The following WWOX variants were observed in gnomAD, a reference collection of about 807,000 sequenced individuals.
WWOX encodes the protein WW domain-containing oxidoreductase.
A neutral mutation model predicts 46.2 loss-of-function variants in WWOX; 69 were observed. The ratio of observed to expected loss-of-function variants is 1.49; its 90% CI spans 1.23 to 1.82. The LOEUF is 1.82. Among genes scored for constraint, WWOX ranks in the 40% most tolerant of loss-of-function variants. The pLI is 0.00. For missense variants in WWOX, 919 were observed against 542.6 expected, an observed-to-expected ratio of 1.69 and a Z score of -6.89; for synonymous variants, 359 against 202.6, an observed-to-expected ratio of 1.77 and a Z score of -6.56.
chr16:78,544,357 A>G (rs2043970578), intron 8 of WWOX, among the ~76,000 whole-genome samples: 1 of 152,200 alleles, frequency 6.6e-6, no homozygotes, highest in Admixed American at 6.5e-5. Context: ...TCTTCTGAAC[A>G]TTTTGCATTC....
chr16:78,370,976 A>ATGTCTT lies in WWOX; in HGVS notation c.517-15883_517-15882insGTCTTT, dbSNP rs776317489. 4.8e-3 allele frequency among the ~76,000 whole-genome samples: 620 copies of ATGTCTT among 128,588 alleles called. 9 individuals are homozygous for ATGTCTT. The highest frequency in any genetic ancestry group is 0.016 in the African/African-American group (555 of 34,734). 84.4% of individuals were successfully genotyped at this position (128,588 alleles called of 152,430 possible). On this transcript the variant is annotated intron_variant, in intron 5 of 8. Coordinates refer to ENST00000566780, the MANE Select transcript of WWOX (RefSeq NM_016373.4). ...CAGGTTGCTCTGAGACTGTGTTGTG[A>ATGTCTT]TTTCTTTTTTTTTTTTTTTTACTTG...
At chr16:78,653,261 A>G (rs2047005605) in intron 8 of WWOX, among the ~76,000 whole-genome samples, 1 of 152,248 alleles carries the variant, frequency 6.6e-6, no homozygotes, top group Non-Finnish European at 1.5e-5. Context: ...TTATGTAACC[A>G]TTCCCTAGTG....
At chr16:78,472,983 T>A (rs970651577) in intron 8 of WWOX, among the ~76,000 whole-genome samples, 29 of 152,164 alleles carry the variant, frequency 1.9e-4, no homozygotes, top group African/African-American at 7.0e-4. Flanking sequence ...GCAGCCTGTT[T>A]TTGTGCCGCC....
At chr16:78,224,724 G>A (rs545355434) in intron 5 of WWOX, among the ~76,000 whole-genome samples, 1 of 152,148 alleles carries the variant, frequency 6.6e-6, no homozygotes, top group Non-Finnish European at 1.5e-5. Context: ...TTGCCAAATT[G>A]CTTTCTTGAA....
intron 8 of WWOX, among the ~76,000 whole-genome samples, chr16:79,194,981 C>G (rs1465244216): frequency 1.3e-5 from 2 of 152,154 alleles, no homozygotes; most frequent in Non-Finnish European, 2.9e-5. Context: ...AGTTCTACTA[C>G]TACCGCCACT....
At chr16:78,896,403 C>G (rs2044701283) in intron 8 of WWOX, 1 of 152,088 alleles carries the variant, frequency 6.6e-6, no homozygotes, top group Non-Finnish European at 1.5e-5. Flanking sequence ...AACCTGGGGC[C>G]CTGAATCGTG....
intron 8 of WWOX, among the ~76,000 whole-genome samples, chr16:78,878,609 ATATGTATGAAGAACC>A (rs566506400): frequency 2.7e-3 from 418 of 152,296 alleles, no homozygotes; most frequent in African/African-American, 9.6e-3. Context: ...TCATGAGATA[ATATGTATGAAGAACC>A]TAGCACACTG....
intron 8 of WWOX, among the ~76,000 whole-genome samples, chr16:78,555,891 C>T (rs1021401520): frequency 1.3e-5 from 2 of 152,032 alleles, no homozygotes; most frequent in Non-Finnish European, 2.9e-5. Flanking sequence ...GTGATGTCTC[C>T]GATTCTTAAA....
intron 8 of WWOX, among the ~76,000 whole-genome samples, chr16:79,191,868 C>T (rs1044175955): frequency 1.3e-5 from 2 of 152,048 alleles, no homozygotes; most frequent in African/African-American, 2.4e-5. Context: ...ATTACTTATG[C>T]GCATAAGTAG....
At chr16:78,634,868 G>A (rs957097286) in intron 8 of WWOX, among the ~76,000 whole-genome samples, 1 of 151,722 alleles carries the variant, frequency 6.6e-6, no homozygotes, top group East Asian at 1.9e-4. Context: ...GTGTGTGTGT[G>A]TGTGTGCGCG....
At chr16:78,547,093 A>G (rs1048988326) in intron 8 of WWOX, among the ~76,000 whole-genome samples, 5 of 139,536 alleles carry the variant, frequency 3.6e-5, no homozygotes, top group Non-Finnish European at 7.6e-5. Context: ...ATGCCACTGC[A>G]CTCCAGCCTG....
At chr16:78,164,363 T>A in intron 5 of WWOX, 74 bp downstream of exon 5, 1 of 1,328,070 alleles carries the variant, frequency 7.5e-7, no homozygotes, top group Non-Finnish European at 1.1e-6. Context: ...GAGATTTCAG[T>A]GGAGTGTGTA....
intron 6 of WWOX, among the ~76,000 whole-genome samples, chr16:78,420,811 A>C (rs2082909907): frequency 6.6e-6 from 1 of 152,136 alleles, no homozygotes; most frequent in African/African-American, 2.4e-5. Flanking sequence ...AAATTAGCTA[A>C]TGCTTATTGT....
rs560556211 is a variant in WWOX, at chr16:78,203,199, C to T, written c.516+38910C>T. 2.6e-5 allele frequency among the ~76,000 whole-genome samples: 4 copies of T among 152,218 alleles called. No homozygotes were observed. The East Asian group carries it at 7.7e-4, about 29-fold the overall frequency. Reference sequence around the variant, plus strand: ...GCAGAGCCTGGCGGAGTTCATTTAACCTCACTGTGGTTCTGTTGGACTTAG... The same window carrying T: ...GCAGAGCCTGGCGGAGTTCATTTAATCTCACTGTGGTTCTGTTGGACTTAG... On this transcript the variant is annotated intron_variant, in intron 5 of 8. Coordinates refer to ENST00000566780, the MANE Select transcript of WWOX (RefSeq NM_016373.4).
intron 8 of WWOX, among the ~76,000 whole-genome samples, chr16:78,945,620 C>G (rs888255189): frequency 2.0e-5 from 3 of 151,796 alleles, no homozygotes; most frequent in South Asian, 2.1e-4. Context: ...GCTGCTTGAT[C>G]TGACTACTGG....
At chr16:78,842,252 T>C (rs554348416) in intron 8 of WWOX, among the ~76,000 whole-genome samples, 2 of 151,634 alleles carry the variant, frequency 1.3e-5, no homozygotes, top group South Asian at 4.2e-4. Context: ...TCAGCCCTTT[T>C]AGAAGCTGAG....
chr16:79,009,765 A>G (rs2047266208), intron 8 of WWOX, among the ~76,000 whole-genome samples: 2 of 152,066 alleles, frequency 1.3e-5, no homozygotes, highest in Non-Finnish European at 2.9e-5. Flanking sequence ...TCAAATTTTC[A>G]AAGGAAGAAA....
intron 8 of WWOX, among the ~76,000 whole-genome samples, chr16:79,053,862 G>A (rs962244596): frequency 6.6e-6 from 1 of 152,162 alleles, no homozygotes; most frequent in Non-Finnish European, 1.5e-5. Flanking sequence ...TTGCCAGCCC[G>A]AAAACTCCAG....
At chr16:78,279,880 C>T (rs907630925) in intron 5 of WWOX, among the ~76,000 whole-genome samples, 3 of 152,218 alleles carry the variant, frequency 2.0e-5, no homozygotes, top group African/African-American at 4.8e-5. Flanking sequence ...GTCCTTCTGT[C>T]CTGGGACCCA....
Sources: gnomAD v4.1 joint callset for allele counts (sites outside exome capture counted in the v4.1 genomes callset) on GRCh38, gnomAD v4.1.1 for gene constraint, MANE v1.5 for transcripts, NCBI Gene and HGNC (gene_info 2026-07-23, HGNC 2026-07-21) for gene names.